NELL2: variants seen among roughly 807,000 people sequenced by gnomAD.
NELL2 encodes neural EGFL like 2.
A neutral mutation model predicts 109.6 loss-of-function variants in NELL2; 41 were observed. The observed-to-expected ratio is 0.37, with a 90% CI of 0.29 to 0.49. The LOEUF (loss-of-function observed/expected upper bound fraction) is 0.49, where lower values mean the gene tolerates loss of function less well. NELL2 is among the 20% of genes least tolerant of loss of function. The pLI is 0.98. For missense variants in NELL2, 900 were observed against 1,008.3 expected (o/e 0.89, Z 1.45); for synonymous variants, 355 against 344.7 (o/e 1.03, Z -0.33).
At chr12:44,878,100 A>C (rs568932986), upstream of NELL2, among the ~76,000 whole-genome samples, 11 of 152,304 alleles carry the variant, frequency 7.2e-5, no homozygotes, top group South Asian at 2.3e-3. Context: ...TCCACATAAA[A>C]GTCCTCCTAA....
At position 44,610,918 on chromosome 12, in the gene NELL2, G is replaced by A. The variant is rs777805169; in HGVS notation, c.1497C>T (p.Cys499=). The change falls in exon 14 of 20, where the codon TGC becomes TGT. Residue 499 remains cysteine (C), a synonymous_variant. Coordinates refer to ENST00000429094, the MANE Select transcript of NELL2 (RefSeq NM_001145108.2). ...AGTTGTGTCCTCCAACAGTGTTGAA[G>A]CATAAAGCATTTTCATCACAGTTGT... ...NQHNCDENAL[C]FNTVGGHNCV... The A allele has an allele frequency of 2.2e-5, 35 of 1,612,848 alleles. No individual in the cohort carries two copies. The highest frequency in any genetic ancestry group is 1.7e-5 in the Admixed American group (1 of 59,922).
At chr12:44,584,086 T>G (rs1188900683) in intron 15 of NELL2, among the ~76,000 whole-genome samples, 4 of 151,608 alleles carry the variant, frequency 2.6e-5, no homozygotes, top group African/African-American at 9.7e-5. Context: ...AAATATCACT[T>G]CTTTAAGAAT....
At chr12:44,522,777 T>C (rs921196374) in intron 17 of NELL2, 2 of 154,714 alleles carry the variant, frequency 1.3e-5, no homozygotes, top group African/African-American at 4.8e-5. Flanking sequence ...CACTCTTGGA[T>C]CACAGCATGT....
At chr12:44,518,808 A>C (rs1453381968) in intron 19 of NELL2, among the ~76,000 whole-genome samples, 2 of 152,238 alleles carry the variant, frequency 1.3e-5, no homozygotes, top group African/African-American at 4.8e-5. Context: ...TGCACTATTA[A>C]GTATACACAT....
At chr12:44,890,752 A>T (rs537500205) in intron 1 of NELL2, among the ~76,000 whole-genome samples, 3 of 151,114 alleles carry the variant, frequency 2.0e-5, no homozygotes, top group East Asian at 3.9e-4. Flanking sequence ...TTTTTTTGAT[A>T]CAGAGTCTCA....
At chr12:44,667,545 G>A (rs190578361) in intron 12 of NELL2, among the ~76,000 whole-genome samples, 187 of 152,312 alleles carry the variant, frequency 1.2e-3, no homozygotes, top group African/African-American at 4.3e-3. Context: ...GACTTCTGAC[G>A]TAAGGCATAA....
chr12:44,688,080 C>A (rs566445218), intron 12 of NELL2, among the ~76,000 whole-genome samples: 1 of 152,154 alleles, frequency 6.6e-6, no homozygotes, highest in East Asian at 1.9e-4. Context: ...TAACATGAAT[C>A]CCCATAGTAA....
At chr12:44,778,130 T>C (rs558900366) in intron 5 of NELL2, among the ~76,000 whole-genome samples, 1 of 152,270 alleles carries the variant, frequency 6.6e-6, no homozygotes, top group South Asian at 2.1e-4. Context: ...AATTAATATT[T>C]TACTTTATCC....
chr12:44,569,669 G>C (rs1008568281), intron 15 of NELL2, among the ~76,000 whole-genome samples: 1 of 152,054 alleles, frequency 6.6e-6, no homozygotes, highest in Non-Finnish European at 1.5e-5. Flanking sequence ...AATGCTGTTA[G>C]GCCTTGGCAC....
chr12:44,739,397 C>T (rs1297271618), intron 9 of NELL2, among the ~76,000 whole-genome samples: 1 of 152,034 alleles, frequency 6.6e-6, no homozygotes, highest in Non-Finnish European at 1.5e-5. Flanking sequence ...TTTCTTTAGT[C>T]AAAATAGCTT....
chr12:44,793,809 T>C (rs549017080), intron 3 of NELL2, among the ~76,000 whole-genome samples: 11 of 152,272 alleles, frequency 7.2e-5, no homozygotes, highest in African/African-American at 2.6e-4. Context: ...AAGGAATCAA[T>C]CCATAATTCA....
chr12:44,873,105 T>C (rs1439360618), intron 2 of NELL2, among the ~76,000 whole-genome samples: 1 of 152,212 alleles, frequency 6.6e-6, no homozygotes. Context: ...ATCAGTAATA[T>C]ATGCCTACTG....
upstream of NELL2, chr12:44,876,996 G>A (rs1945347736): frequency 2.9e-6 from 2 of 684,972 alleles, no homozygotes; most frequent in Non-Finnish European, 3.9e-6. Context: ...AGGAGGTGCT[G>A]GACAGCTCCG....
At chr12:44,644,479 C>T (rs1455152671) in intron 13 of NELL2, among the ~76,000 whole-genome samples, 2 of 150,670 alleles carry the variant, frequency 1.3e-5, no homozygotes, top group African/African-American at 2.4e-5. Flanking sequence ...GGAAAGTCTT[C>T]ATTTGATGCA....
At chr12:44,684,756 A>C (rs925541384) in intron 12 of NELL2, among the ~76,000 whole-genome samples, 1 of 151,994 alleles carries the variant, frequency 6.6e-6, no homozygotes, top group Non-Finnish European at 1.5e-5. Flanking sequence ...CCTGAGTTCT[A>C]GTTTGATTGC....
At chr12:44,892,436 A>G (rs1945544996) in intron 1 of NELL2, among the ~76,000 whole-genome samples, 1 of 152,150 alleles carries the variant, frequency 6.6e-6, no homozygotes, top group Admixed American at 6.5e-5. Flanking sequence ...TTCATGGATC[A>G]TTTCCTTTAA....
intron 2 of NELL2, among the ~76,000 whole-genome samples, chr12:44,856,684 A>C (rs1397904450): frequency 6.6e-6 from 1 of 152,212 alleles, no homozygotes; most frequent in Non-Finnish European, 1.5e-5. Context: ...AAGCAAAATA[A>C]GCAAGAAAGA....
rs75451056 is a variant in NELL2 at position 44,825,685 on chromosome 12, C to T, written c.185-9549G>A. On this transcript the variant is annotated intron_variant, in intron 2 of 19. Coordinates refer to ENST00000429094, the MANE Select transcript of NELL2 (RefSeq NM_001145108.2). Reference sequence around the variant, plus strand: ...TGCTGGGATTACAGGCATGAGCCACCGCACCCAGCCTATTCATTTCTTTTT... The same window carrying T: ...TGCTGGGATTACAGGCATGAGCCACTGCACCCAGCCTATTCATTTCTTTTT... Among the ~76,000 whole-genome samples, 7 of 149,572 alleles carry T rather than the reference C, an allele frequency of 4.7e-5. No homozygotes were observed. In the East Asian group the frequency reaches 1.2e-3, roughly 26 times the overall value.
At chr12:44,791,065 GTATATATATATATATACATATATATA>G (rs1310648181) in intron 3 of NELL2, among the ~76,000 whole-genome samples, 1 of 43,252 alleles carries the variant, frequency 2.3e-5, no homozygotes, top group East Asian at 6.8e-4. Flanking sequence ...GAAAGTTCAA[GTATATATATATATATACATATATATA>G]TATATGTATA....
Sources: allele counts gnomAD v4.1 joint callset (sites outside exome capture counted in the v4.1 genomes callset), GRCh38; gene constraint gnomAD v4.1.1; transcripts MANE v1.5; gene names NCBI Gene and HGNC (gene_info 2026-07-23, HGNC 2026-07-21).